Variants in TMEM79 observed in about 807,000 individuals in gnomAD.
TMEM79 encodes the protein transmembrane protein 79.
A neutral mutation model predicts 31.2 loss-of-function variants in TMEM79; 30 were observed. The observed-to-expected ratio is 0.96, with a 90% CI of 0.72 to 1.30. The LOEUF is 1.30. TMEM79 is among the 50% of genes most tolerant of loss of function. The pLI, the probability that TMEM79 is intolerant of heterozygous loss-of-function variation, is 0.00. For missense variants in TMEM79, 509 were observed against 528.2 expected (o/e 0.96, Z 0.36); for synonymous variants, 213 against 229.5 (o/e 0.93, Z 0.65).
At chr1:156,289,376 A>G (rs891686483) in intron 3 of TMEM79, among the ~76,000 whole-genome samples, 1 of 152,214 alleles carries the variant, frequency 6.6e-6, no homozygotes, top group Non-Finnish European at 1.5e-5. Flanking sequence ...TGGGAGGCCA[A>G]GGCGGGTGGA....
chr1:156,286,429 C>A lies in TMEM79; in HGVS notation c.927C>A (p.Thr309=). The A allele has an allele frequency of 1.2e-6, 2 of 1,614,182 alleles. No homozygotes were observed. The highest frequency in any genetic ancestry group is 1.7e-6 in the Non-Finnish European group (2 of 1,180,038). ...AVLSTYLPQD[T]LKLLPLLTGL... ...TTTCCACTTACCTGCCCCAGGATAC[C>A]CTCAAACTGCTCCCTCTGCTCACTG... Residue 309 remains threonine (T), a synonymous_variant, in exon 3 of 4, where the codon ACC becomes ACA. Transcript: ENST00000405535.
upstream of TMEM79, among the ~76,000 whole-genome samples, chr1:156,283,244 C>G (rs1036810460): frequency 1.2e-4 from 19 of 152,212 alleles, no homozygotes; most frequent in Non-Finnish European, 2.6e-4. Context: ...GTGAAAGTTT[C>G]CTTGGAAAGG....
At chr1:156,290,233 T>G (rs562114850) in intron 3 of TMEM79, 1 of 152,536 alleles carries the variant, frequency 6.6e-6, no homozygotes, top group South Asian at 2.1e-4. Flanking sequence ...TTTGCTCATA[T>G]ATGCACTTTT....
Position 156,291,981 on chromosome 1 carries a change from A to G in TMEM79, c.*383A>G, listed in dbSNP as rs2101597245. On this transcript the variant is annotated 3_prime_UTR_variant, in exon 4 of 4. Coordinates refer to ENST00000405535, the MANE Select transcript of TMEM79 (RefSeq NM_032323.3). ...TCCACTCCCCGGCTTCCCGTGAGGC[A>G]GGAGGCAGAGCCACAGCCAAGGCCC... 2.1e-6 allele frequency: 1 copy of G among 467,450 alleles called. No individual in the cohort carries two copies. The highest frequency in any genetic ancestry group is 3.4e-5 in the East Asian group (1 of 29,316). 29.0% of individuals were successfully genotyped at this position (467,450 alleles called of 1,614,324 possible).
rs745468403 is a variant in TMEM79, at chr1:156,287,606, CTTTTTTT to C, written c.971+1152_971+1158del. On this transcript the variant is annotated intron_variant, in intron 3 of 3. Transcript: ENST00000405535. ...CTCCTCGCAGCCTTCTTACTCTCCACTTTTTTTTTTTTTTTTTTTTTTTTTGAGACAG... is the reference window on the plus strand; with the variant it reads ...CTCCTCGCAGCCTTCTTACTCTCCACTTTTTTTTTTTTTTTTTTGAGACAG... 6.5e-4 allele frequency among the ~76,000 whole-genome samples: 47 copies of C among 72,642 alleles called. 1 individual carries two copies. Among genetic ancestry groups the C allele is most frequent in the Non-Finnish European group, 2.1e-4 (8 of 38,300 alleles). The allele number at this position is 72,642 out of a possible 152,430, so 47.7% of individuals were successfully genotyped here. A position where few individuals can be genotyped will look rare whatever the true frequency, so the allele number is the denominator to read the frequency against.
In TMEM79 at chr1:156,291,473, A is replaced by G. The variant is rs761799868; in HGVS notation, c.1060A>G (p.Met354Val). 3.1e-6 allele frequency: 5 copies of G among 1,613,004 alleles called. No individual in the cohort carries two copies. The highest frequency in any genetic ancestry group is 4.2e-6 in the Non-Finnish European group (5 of 1,179,910). Residue 354 changes from methionine (M) to valine (V), a missense_variant, in exon 4 of 4, where the codon ATG (methionine) becomes GTG (valine). Coordinates refer to ENST00000405535, the MANE Select transcript of TMEM79 (RefSeq NM_032323.3). ...LTFLPLLSMLMWNLYYMFVVE... is the reference protein window; with the variant it reads ...LTFLPLLSMLVWNLYYMFVVE... ...GTTTCTGCCACTGCTGTCGATGCTGATGTGGAACCTCTACTACATGTTCGT... is the reference window on the plus strand; with the variant it reads ...GTTTCTGCCACTGCTGTCGATGCTGGTGTGGAACCTCTACTACATGTTCGT...
chr1:156,285,097 T>C (rs1042128752), intron 1 of TMEM79, 87 bp from the exon 2 acceptor site: 7 of 1,186,182 alleles, frequency 5.9e-6, no homozygotes, highest in Non-Finnish European at 7.9e-6. Flanking sequence ...ATGAAGCCAG[T>C]TGCCCTGGAG....
intron 3 of TMEM79, 66 bp downstream of exon 3, chr1:156,286,539 G>A (rs1476498553): frequency 8.5e-6 from 13 of 1,535,816 alleles, no homozygotes; most frequent in Non-Finnish European, 1.1e-5. Context: ...GCATCTGAAT[G>A]TCTGGAGAGC....
At position 156,285,276 on chromosome 1, in the gene TMEM79, C is replaced by A; in HGVS notation, c.50C>A (p.Ser17Tyr). 1 of 1,567,684 alleles carries A rather than the reference C, an allele frequency of 6.4e-7. No individual in the cohort carries two copies. The change falls in exon 2 of 4, where the codon TCC becomes TAC. Residue 17 changes from serine (S) to tyrosine (Y), a missense_variant. Ser to Tyr is a moderately radical substitution (Grantham distance 144). Transcript: ENST00000405535. ...CTACTGGAAGTGAAGAGGTCTGATT[C>A]CCCAGAGAAGAGCTCACCCCAGGCC... ...LALLEVKRSD[S>Y]PEKSSPQALV...
rs1663366271 is a variant in TMEM79, at chr1:156,292,374, CTAGTGT to C, written c.*777_*782del. Reference sequence around the variant, plus strand: ...GGATGGTGCGGTGGTTGATGTTAACCTAGTGTGTGTGTGTGTGTGTGTGTGTGTGTG... The same window carrying C: ...GGATGGTGCGGTGGTTGATGTTAACCGTGTGTGTGTGTGTGTGTGTGTGTG... On this transcript the variant is annotated 3_prime_UTR_variant, in exon 4 of 4. Coordinates refer to ENST00000405535, the MANE Select transcript of TMEM79 (RefSeq NM_032323.3). The C allele has an allele frequency of 7.7e-6, 1 of 129,254 alleles. No individual in the cohort carries two copies. The highest frequency in any genetic ancestry group is 2.7e-4 in the South Asian group (1 of 3,670). The allele number at this position is 129,254 out of a possible 1,614,324, so 8.0% of individuals were successfully genotyped here.
chr1:156,291,348 C>T, intron 3 of TMEM79, 37 bp from the exon 4 acceptor site: 1 of 1,599,358 alleles, frequency 6.3e-7, no homozygotes. Context: ...GACGCGCTTC[C>T]CTCGAGAGTA....
chr1:156,285,850 C>T lies in TMEM79; in HGVS notation c.624C>T (p.Leu208=). ...CTGTGGCCTCCGTGGGAGCCGCACTCATTCTCTTCCCTTGCCTACTATACG... is the reference window on the plus strand; with the variant it reads ...CTGTGGCCTCCGTGGGAGCCGCACTTATTCTCTTCCCTTGCCTACTATACG... ...LRAVASVGAA[L]ILFPCLLYGA... The change falls in exon 2 of 4, where the codon CTC becomes CTT. Residue 208 remains leucine, a synonymous_variant. Transcript: ENST00000405535. 6.2e-7 allele frequency: 1 copy of T among 1,613,718 alleles called. No homozygotes were observed. The highest frequency in any genetic ancestry group is 8.5e-7 in the Non-Finnish European group (1 of 1,180,024).
Position 156,291,510 on chromosome 1 carries a change from A to C in TMEM79, c.1097A>C (p.Glu366Ala). The part of the protein sequence containing the change: ...NLYYMFVVEP[E>A]RMLTATESRL... ...TACTACATGTTCGTGGTGGAGCCGG[A>C]GCGCATGCTCACTGCCACCGAGAGC... The change falls in exon 4 of 4, where the codon GAG (glutamate) becomes GCG (alanine). Residue 366 changes from glutamate to alanine, a missense_variant. Physicochemically the swap from Glu to Ala is moderately radical, Grantham distance 107 (BLOSUM62 -1). Coordinates refer to ENST00000405535, the MANE Select transcript of TMEM79 (RefSeq NM_032323.3). The C allele has an allele frequency of 2.5e-6, 4 of 1,609,806 alleles. No homozygotes were observed. Among genetic ancestry groups the C allele is most frequent in the Non-Finnish European group, 3.4e-6 (4 of 1,179,406 alleles).
At chr1:156,288,763 C>T (rs1412122735) in intron 3 of TMEM79, among the ~76,000 whole-genome samples, 1 of 152,218 alleles carries the variant, frequency 6.6e-6, no homozygotes, top group Non-Finnish European at 1.5e-5. Context: ...TCCCACCAGC[C>T]TCCTGACCAT....
In TMEM79 at chr1:156,285,624, A is replaced by AC. The variant is rs759042350; in HGVS notation, c.400dup (p.Leu134ProfsTer5). ...GCGGCCCGTGCCTTCGTGCCTATTG[A>AC]CCTACAGTGCATTGAGCGGCAGCCC... On this transcript the variant is annotated frameshift_variant, in exon 2 of 4. Transcript: ENST00000405535. LOFTEE classifies it high-confidence loss of function. 6.2e-7 allele frequency: 1 copy of AC among 1,614,084 alleles called. No individual in the cohort carries two copies. Among genetic ancestry groups the AC allele is most frequent in the South Asian group, 1.1e-5 (1 of 91,086 alleles).
At chr1:156,286,139 C>G in intron 2 of TMEM79, 121 bp from the exon 3 acceptor site, 1 of 1,358,896 alleles carries the variant, frequency 7.4e-7, no homozygotes, top group Non-Finnish European at 1.0e-6. Context: ...CTCCCAGGAC[C>G]ACCTCCACCC....
chr1:156,285,326 G>A lies in TMEM79; in HGVS notation c.100G>A (p.Glu34Lys), dbSNP rs551463475. Residue 34 changes from glutamate (E) to lysine (K), a missense_variant, in exon 2 of 4, where the codon GAA (glutamate) becomes AAA (lysine). Physicochemically the swap from Glu to Lys is moderately conservative, Grantham distance 56. Coordinates refer to ENST00000405535, the MANE Select transcript of TMEM79 (RefSeq NM_032323.3). ...CTTGGTTCCCAATGGCCGGCAGCCA[G>A]AAGGGGAAGGTGGGGCCGAATCCCC... ...QALVPNGRQP[E>K]GEGGAESPGA... 2 of 1,573,140 alleles carry A rather than the reference G, an allele frequency of 1.3e-6. No homozygotes were observed. The highest frequency in any genetic ancestry group is 2.4e-5 in the South Asian group (2 of 83,760).
At position 156,285,678 on chromosome 1, in the gene TMEM79, C is replaced by T. The variant is rs202205822; in HGVS notation, c.452C>T (p.Ala151Val). 5.6e-5 allele frequency: 90 copies of T among 1,613,666 alleles called. No individual in the cohort carries two copies. In the Middle Eastern group the frequency reaches 8.2e-4, roughly 15 times the overall value. Reference sequence around the variant, plus strand: ...GAAGACCTTATCGTGCGCTGTGAGGCAGGCGAGGGCGAGTGCCGAACCTTC... The same window carrying T: ...GAAGACCTTATCGTGCGCTGTGAGGTAGGCGAGGGCGAGTGCCGAACCTTC... ...PQEDLIVRCE[A>V]GEGECRTFMP... The change falls in exon 2 of 4, where the codon GCA (alanine) becomes GTA (valine). Residue 151 changes from alanine (A) to valine (V), a missense_variant. By Grantham distance (64) the Ala-to-Val change is moderately conservative. Transcript: ENST00000405535.
chr1:156,286,587 A>C, intron 3 of TMEM79, 114 bp downstream of exon 3: 1 of 1,050,482 alleles, frequency 9.5e-7, no homozygotes, highest in Non-Finnish European at 1.4e-6. Context: ...ACTGGCCCAA[A>C]TGTGTGCCCT....
Sources: gnomAD v4.1 joint callset for allele counts (sites outside exome capture counted in the v4.1 genomes callset) on GRCh38, gnomAD v4.1.1 for gene constraint, MANE v1.5 for transcripts, NCBI Gene and HGNC (gene_info 2026-07-23, HGNC 2026-07-21) for gene names.